Variants in NKAIN2 observed in about 807,000 individuals in gnomAD.
NKAIN2 encodes sodium/potassium transporting ATPase interacting 2, also known as sodium/potassium-transporting ATPase subunit beta-1-interacting protein 2.
A neutral mutation model predicts 32.6 loss-of-function variants in NKAIN2; 14 were observed. That is an observed-to-expected ratio of 0.43 (90% CI 0.28 to 0.67). The LOEUF is 0.67. Among genes scored for constraint, NKAIN2 ranks in the 30% least tolerant of loss-of-function variants. NKAIN2 has a pLI of 0.17. For missense variants in NKAIN2, 198 were observed against 258.3 expected (o/e 0.77, Z 1.60); for synonymous variants, 80 against 87.2 (o/e 0.92, Z 0.46).
rs1418543354 is a variant in NKAIN2 at position 124,084,973 on chromosome 6, TA to T, written c.55-198028del. Among the ~76,000 whole-genome samples, 17 of 152,158 alleles carry T rather than the reference TA, an allele frequency of 1.1e-4. No individual in the cohort carries two copies. In the East Asian group the frequency reaches 3.3e-3, roughly 29 times the overall value. On this transcript the variant is annotated intron_variant, in intron 1 of 6. Coordinates refer to ENST00000368417, the MANE Select transcript of NKAIN2 (RefSeq NM_001040214.3). The stretch of plus-strand genomic sequence containing the variant: ...TGTAATGATATTTACTCAAAGAGCT[TA>T]AAATTTGTTAAAAGGAGATTCATAC...
At chr6:124,588,420 G>A (rs1232726518) in intron 3 of NKAIN2, among the ~76,000 whole-genome samples, 1 of 151,834 alleles carries the variant, frequency 6.6e-6, no homozygotes, top group Non-Finnish European at 1.5e-5. Flanking sequence ...AAAATTTGAG[G>A]CCTGCGTTAA....
chr6:124,116,966 T>C (rs1180850287), intron 1 of NKAIN2, among the ~76,000 whole-genome samples: 1 of 152,056 alleles, frequency 6.6e-6, no homozygotes, highest in African/African-American at 2.4e-5. Context: ...ACAGATCATT[T>C]TGGAAGTATG....
chr6:123,809,316 CA>C (rs1473852291), intron 1 of NKAIN2, among the ~76,000 whole-genome samples: 2 of 144,202 alleles, frequency 1.4e-5, no homozygotes, highest in African/African-American at 2.6e-5. Flanking sequence ...CATAAGCCAT[CA>C]AGATACAATG....
At chr6:124,503,586 T>C (rs1778372856) in intron 3 of NKAIN2, among the ~76,000 whole-genome samples, 1 of 152,136 alleles carries the variant, frequency 6.6e-6, no homozygotes. Context: ...TTTCTAAATA[T>C]TTCCTTTTAG....
intron 3 of NKAIN2, among the ~76,000 whole-genome samples, chr6:124,575,358 A>G (rs1288708106): frequency 6.6e-6 from 1 of 152,252 alleles, no homozygotes; most frequent in Non-Finnish European, 1.5e-5. Flanking sequence ...TAATCCCAGC[A>G]GACTGTCTTC....
rs1278198777 is a variant in NKAIN2 at position 124,825,216 on chromosome 6, G to C, written c.*1987G>C. 10 of 152,628 alleles carry C rather than the reference G, an allele frequency of 6.6e-5. No individual in the cohort carries two copies. In the East Asian group the frequency reaches 1.9e-3, roughly 29 times the overall value. 9.5% of individuals were successfully genotyped at this position (152,628 alleles called of 1,614,324 possible). On this transcript the variant is annotated 3_prime_UTR_variant, in exon 7 of 7. Transcript: ENST00000368417. The stretch of plus-strand genomic sequence containing the variant: ...TCACTGTACATTCATGCTGTGATGC[G>C]ATTTCACCTTATAGTACATGTATAT...
At chr6:124,255,118 A>C (rs1039850468) in intron 1 of NKAIN2, among the ~76,000 whole-genome samples, 12 of 152,158 alleles carry the variant, frequency 7.9e-5, no homozygotes, top group African/African-American at 2.9e-4. Flanking sequence ...CTCAGAACTC[A>C]TTGTGGCTCA....
At chr6:124,064,200 C>T (rs1247883655) in intron 1 of NKAIN2, among the ~76,000 whole-genome samples, 3 of 152,210 alleles carry the variant, frequency 2.0e-5, no homozygotes, top group East Asian at 3.9e-4. Context: ...ATCCGCCCAC[C>T]TCAGCCTCCC....
intron 1 of NKAIN2, among the ~76,000 whole-genome samples, chr6:124,276,825 A>C (rs1281941620): frequency 6.6e-6 from 1 of 152,202 alleles, no homozygotes; most frequent in Admixed American, 6.5e-5. Flanking sequence ...ACTCTGGAGC[A>C]GACAGGCCCA....
At chr6:123,916,283 C>T (rs896975130) in intron 1 of NKAIN2, among the ~76,000 whole-genome samples, 2 of 152,102 alleles carry the variant, frequency 1.3e-5, no homozygotes, top group African/African-American at 2.4e-5. Context: ...GACAGAGTCT[C>T]ATTCTGTCAC....
intron 1 of NKAIN2, among the ~76,000 whole-genome samples, chr6:124,112,988 A>T (rs1319515955): frequency 6.6e-6 from 1 of 151,922 alleles, no homozygotes; most frequent in Non-Finnish European, 1.5e-5. Flanking sequence ...GTTATTTTTA[A>T]TTCATTGTCA....
chr6:123,810,498 G>A (rs558536796), intron 1 of NKAIN2, among the ~76,000 whole-genome samples: 1 of 152,156 alleles, frequency 6.6e-6, no homozygotes, highest in Non-Finnish European at 1.5e-5. Flanking sequence ...GAATAAAAGG[G>A]CAGAAGGGGA....
chr6:123,976,259 ATATATGTTTC>A (rs1778568257), intron 1 of NKAIN2, among the ~76,000 whole-genome samples: 1 of 116,088 alleles, frequency 8.6e-6, no homozygotes, highest in African/African-American at 2.9e-5. Context: ...ATATATATAT[ATATATGTTTC>A]CATATATATG....
chr6:124,504,240 T>C (rs571589093), intron 3 of NKAIN2, among the ~76,000 whole-genome samples: 50 of 152,276 alleles, frequency 3.3e-4, no homozygotes, highest in Non-Finnish European at 6.0e-4. Context: ...ATTCCTTCAT[T>C]AATAAACTAA....
At chr6:124,317,292 C>T (rs1159531357) in intron 2 of NKAIN2, among the ~76,000 whole-genome samples, 1 of 152,112 alleles carries the variant, frequency 6.6e-6, no homozygotes, top group Non-Finnish European at 1.5e-5. Context: ...ATTTTCATAT[C>T]AATGCATCAA....
At chr6:124,581,424 C>A (rs1227563907) in intron 3 of NKAIN2, among the ~76,000 whole-genome samples, 1 of 110,156 alleles carries the variant, frequency 9.1e-6, no homozygotes, top group Non-Finnish European at 1.7e-5. Flanking sequence ...CCGGCCTGGG[C>A]AACAGAGCGA....
intron 3 of NKAIN2, among the ~76,000 whole-genome samples, chr6:124,600,243 T>A (rs973539948): frequency 6.6e-6 from 1 of 152,116 alleles, no homozygotes; most frequent in South Asian, 2.1e-4. Flanking sequence ...TAACATTGGC[T>A]AAGTTCTAAA....
At position 124,282,979 on chromosome 6, in the gene NKAIN2, C is replaced by G. The variant is rs1440479717; in HGVS notation, c.55-26C>G. On this transcript the variant is annotated intron_variant, in intron 1 of 6. Transcript: ENST00000368417. ...ACTGTGCTGTTTCTCACATGCTGAT[C>G]TGTCCATCCTGTTTTGCTATTCTAG... 15 of 1,610,850 alleles carry G rather than the reference C, an allele frequency of 9.3e-6. No individual in the cohort carries two copies. In the South Asian group the frequency reaches 1.3e-4, roughly 14 times the overall value.
chr6:124,689,425 G>C (rs1198642125), intron 4 of NKAIN2, among the ~76,000 whole-genome samples: 10 of 151,766 alleles, frequency 6.6e-5, no homozygotes, highest in Admixed American at 6.6e-4. Context: ...TCATTCTCTT[G>C]ACAGTATTTT....
Sources: allele counts gnomAD v4.1 joint callset (sites outside exome capture counted in the v4.1 genomes callset), GRCh38; gene constraint gnomAD v4.1.1; transcripts MANE v1.5; gene names NCBI Gene and HGNC (gene_info 2026-07-23, HGNC 2026-07-21).